HEMK2: variants seen among roughly 807,000 people sequenced by gnomAD.
HEMK2 encodes the protein HemK methyltransferase 2, ETF1 glutamine and histone H4 lysine.
At chr21:28,666,559 T>C in the HEMK2 span, among the ~76,000 whole-genome samples, 1 of 152,138 alleles carries the variant, frequency 6.6e-6, no homozygotes, top group Non-Finnish European at 1.5e-5. Flanking sequence ...AAGAGAGACA[T>C]GAATGATTAG....
the HEMK2 span, among the ~76,000 whole-genome samples, chr21:28,863,434 A>ACTTCAT: frequency 1.4e-5 from 1 of 72,928 alleles, no homozygotes; most frequent in Non-Finnish European, 2.6e-5. Flanking sequence ...ATATATATAT[A>ACTTCAT]TATATATATA....
chr21:28,823,430 T>C, the HEMK2 span, among the ~76,000 whole-genome samples: 2 of 152,194 alleles, frequency 1.3e-5, no homozygotes, highest in African/African-American at 4.8e-5. Flanking sequence ...AAAACATAGA[T>C]TTGGATATCA....
chr21:28,863,970 G>A, the HEMK2 span, among the ~76,000 whole-genome samples: 1 of 152,136 alleles, frequency 6.6e-6, no homozygotes, highest in Non-Finnish European at 1.5e-5. Context: ...TGGGACTACA[G>A]GTGTGTACCA....
the HEMK2 span, among the ~76,000 whole-genome samples, chr21:28,685,194 T>C: frequency 6.6e-6 from 1 of 152,256 alleles, no homozygotes; most frequent in East Asian, 1.9e-4. Context: ...TCTTAGGGGC[T>C]ACCTCTATGC....
the HEMK2 span, among the ~76,000 whole-genome samples, chr21:28,598,663 G>T: frequency 6.6e-6 from 1 of 152,158 alleles, no homozygotes; most frequent in Non-Finnish European, 1.5e-5. Context: ...CTGCAAGTCC[G>T]CAAGTCCTTC....
At chr21:28,798,799 T>C in the HEMK2 span, among the ~76,000 whole-genome samples, 12,471 of 152,200 alleles carry the variant, frequency 0.082, 1,167 homozygotes, top group African/African-American at 0.22. Context: ...AAGGAGTGTG[T>C]TAACGACACA....
At chr21:28,864,853 A>G in the HEMK2 span, among the ~76,000 whole-genome samples, 27 of 136,320 alleles carry the variant, frequency 2.0e-4, no homozygotes, top group East Asian at 1.6e-3. Flanking sequence ...ATAGATAGAT[A>G]GATAGATAGA....
the HEMK2 span, among the ~76,000 whole-genome samples, chr21:28,761,511 G>A: frequency 4.6e-5 from 7 of 151,660 alleles, no homozygotes; most frequent in Non-Finnish European, 8.8e-5. Context: ...ATGACCTGAA[G>A]TTTATTCCCT....
the HEMK2 span, among the ~76,000 whole-genome samples, chr21:28,868,612 G>A: frequency 9.2e-5 from 14 of 152,080 alleles, no homozygotes; most frequent in African/African-American, 2.9e-4. Flanking sequence ...TAAGCTTGTG[G>A]GGTGGAGGTT....
At chr21:28,747,873 A>G in the HEMK2 span, among the ~76,000 whole-genome samples, 32 of 152,356 alleles carry the variant, frequency 2.1e-4, no homozygotes, top group African/African-American at 7.2e-4. Flanking sequence ...AGTCTGTAAG[A>G]AATTAAAAGG....
chr21:28,863,178 A>G, the HEMK2 span, among the ~76,000 whole-genome samples: 2 of 151,936 alleles, frequency 1.3e-5, no homozygotes, highest in African/African-American at 2.4e-5. Flanking sequence ...GCACAATCCA[A>G]TCAGCTGCCA....
chr21:28,640,326 G>A, the HEMK2 span, among the ~76,000 whole-genome samples: 1 of 152,150 alleles, frequency 6.6e-6, no homozygotes, highest in Non-Finnish European at 1.5e-5. Context: ...GCTCATGATG[G>A]CTCAGGAAGA....
At chr21:28,827,680 C>G in the HEMK2 span, among the ~76,000 whole-genome samples, 1 of 152,202 alleles carries the variant, frequency 6.6e-6, no homozygotes, top group Non-Finnish European at 1.5e-5. Flanking sequence ...AGATCTTAAC[C>G]ACTATGTTGA....
the HEMK2 span, among the ~76,000 whole-genome samples, chr21:28,738,728 A>C: frequency 6.6e-6 from 1 of 152,248 alleles, no homozygotes; most frequent in African/African-American, 2.4e-5. Context: ...AACCTCCCAG[A>C]GATGGCTCTA....
At chr21:28,848,786 C>T in the HEMK2 span, among the ~76,000 whole-genome samples, 5 of 152,156 alleles carry the variant, frequency 3.3e-5, no homozygotes, top group South Asian at 8.3e-4. Flanking sequence ...ATGCATTTTT[C>T]CACCCACTGC....
At chr21:28,598,972 T>C in the HEMK2 span, among the ~76,000 whole-genome samples, 1 of 152,182 alleles carries the variant, frequency 6.6e-6, no homozygotes, top group Non-Finnish European at 1.5e-5. Context: ...AGTAAAGGAT[T>C]GAAGGTAGTG....
chr21:28,597,583 C>A, the HEMK2 span, among the ~76,000 whole-genome samples: 2 of 152,144 alleles, frequency 1.3e-5, no homozygotes, highest in Admixed American at 1.3e-4. Flanking sequence ...ACATCATTAA[C>A]TAGGCAGTAC....
the HEMK2 span, among the ~76,000 whole-genome samples, chr21:28,710,435 T>A: frequency 6.6e-6 from 1 of 152,218 alleles, no homozygotes; most frequent in Admixed American, 6.5e-5. Flanking sequence ...ATGCTATTCG[T>A]GATTTTAAAA....
chr21:28,590,245 T>G, the HEMK2 span, among the ~76,000 whole-genome samples: 1 of 152,194 alleles, frequency 6.6e-6, no homozygotes, highest in Non-Finnish European at 1.5e-5. Flanking sequence ...CATTTATGTT[T>G]ATCTGTAGCA....
Sources: allele counts gnomAD v4.1 joint callset (sites outside exome capture counted in the v4.1 genomes callset), GRCh38; gene constraint gnomAD v4.1.1; transcripts MANE v1.5; gene names NCBI Gene and HGNC (gene_info 2026-07-23, HGNC 2026-07-21).